Variants in CCDC152 observed in about 807,000 individuals in gnomAD.
CCDC152 encodes coiled-coil domain containing 152, also known as coiled-coil domain-containing protein 152.
In CCDC152, 37 loss-of-function variants were observed where a neutral mutation model predicts 38.1. That is an observed-to-expected ratio of 0.97 (90% CI 0.75 to 1.28). The LOEUF (loss-of-function observed/expected upper bound fraction) is 1.28. Among genes scored for constraint, CCDC152 ranks in the 50% most tolerant of loss-of-function variants. CCDC152 has a pLI of 0.00. For missense variants in CCDC152, 259 were observed against 292.1 expected (o/e 0.89, Z 0.83); for synonymous variants, 83 against 87.1 (o/e 0.95, Z 0.26).
At chr5:42,776,331 T>A (rs899138667) in intron 4 of CCDC152, among the ~76,000 whole-genome samples, 2 of 152,004 alleles carry the variant, frequency 1.3e-5, no homozygotes, top group Non-Finnish European at 2.9e-5. Context: ...GCATGAAAAA[T>A]TATCCAGGAT....
At chr5:42,757,435 A>T (rs1759495863) in intron 1 of CCDC152, among the ~76,000 whole-genome samples, 1 of 152,158 alleles carries the variant, frequency 6.6e-6, no homozygotes, top group African/African-American at 2.4e-5. Context: ...TCCTGTGGGG[A>T]TGGTTGAAGC....
intron 6 of CCDC152, among the ~76,000 whole-genome samples, chr5:42,790,016 GT>G: frequency 6.6e-6 from 1 of 152,272 alleles, no homozygotes; most frequent in South Asian, 2.1e-4. Flanking sequence ...CTTTAATACT[GT>G]TAAGAAAATG....
chr5:42,772,492 A>G (rs1759712537), intron 4 of CCDC152, among the ~76,000 whole-genome samples: 1 of 152,132 alleles, frequency 6.6e-6, no homozygotes, highest in Non-Finnish European at 1.5e-5. Flanking sequence ...ACTAAAAAAA[A>G]ATACAAAAAT....
At chr5:42,783,433 A>T in intron 5 of CCDC152, 41 bp from the exon 6 acceptor site, 1 of 812,992 alleles carries the variant, frequency 1.2e-6, no homozygotes, top group Non-Finnish European at 1.6e-6. Context: ...TTATATACAC[A>T]TATTTAAATT....
At chr5:42,770,337 A>T (rs758609974) in intron 4 of CCDC152, among the ~76,000 whole-genome samples, 1 of 152,194 alleles carries the variant, frequency 6.6e-6, no homozygotes, top group Non-Finnish European at 1.5e-5. Context: ...TATATGTGAG[A>T]TAAAATATTG....
chr5:42,763,523 G>A (rs144314541), intron 3 of CCDC152, among the ~76,000 whole-genome samples: 238 of 152,234 alleles, frequency 1.6e-3, no homozygotes, highest in African/African-American at 5.3e-3. Flanking sequence ...ACTACAAAGT[G>A]GAGAAGCCTG....
chr5:42,765,318 T>A (rs1397800912), intron 3 of CCDC152, among the ~76,000 whole-genome samples: 1 of 152,160 alleles, frequency 6.6e-6, no homozygotes, highest in African/African-American at 2.4e-5. Flanking sequence ...AGAATCAATA[T>A]TGTTACAATC....
chr5:42,792,782 T>A (rs1760021523), intron 6 of CCDC152, among the ~76,000 whole-genome samples: 1 of 152,152 alleles, frequency 6.6e-6, no homozygotes, highest in African/African-American at 2.4e-5. Context: ...CCATACCCTG[T>A]CATTGACTAG....
intron 4 of CCDC152, among the ~76,000 whole-genome samples, chr5:42,773,727 A>C (rs1167661951): frequency 1.3e-5 from 2 of 152,188 alleles, no homozygotes; most frequent in Non-Finnish European, 2.9e-5. Context: ...CTACCCCCAT[A>C]CAAGCTCTTT....
chr5:42,796,032 T>C (rs1036857011), intron 6 of CCDC152, among the ~76,000 whole-genome samples: 1 of 151,150 alleles, frequency 6.6e-6, no homozygotes, highest in African/African-American at 2.4e-5. Context: ...TAGGTGGGAA[T>C]TGAACAATGA....
chr5:42,787,503 C>A (rs1203328786), intron 6 of CCDC152, among the ~76,000 whole-genome samples: 1 of 151,990 alleles, frequency 6.6e-6, no homozygotes, highest in African/African-American at 2.4e-5. Flanking sequence ...GACAACCCCA[C>A]TACTATTGTA....
chr5:42,766,569 T>G (rs967408763), intron 3 of CCDC152, among the ~76,000 whole-genome samples: 4 of 152,188 alleles, frequency 2.6e-5, no homozygotes, highest in African/African-American at 9.7e-5. Flanking sequence ...CAATGTAGTA[T>G]TATTCAACCA....
chr5:42,776,183 A>G (rs957173792), intron 4 of CCDC152, among the ~76,000 whole-genome samples: 5 of 152,244 alleles, frequency 3.3e-5, no homozygotes, highest in East Asian at 1.9e-4. Flanking sequence ...TTACCCAACT[A>G]TATCTTTCTA....
intron 6 of CCDC152, among the ~76,000 whole-genome samples, chr5:42,795,775 A>G (rs1291718558): frequency 6.6e-6 from 1 of 152,132 alleles, no homozygotes; most frequent in African/African-American, 2.4e-5. Context: ...ATGCTGCTAT[A>G]AAGACACATG....
chr5:42,763,033 G>T (rs1351347763), intron 3 of CCDC152, among the ~76,000 whole-genome samples: 5 of 152,188 alleles, frequency 3.3e-5, no homozygotes, highest in Non-Finnish European at 7.3e-5. Context: ...CCAGATCTTG[G>T]TTCCTTACAC....
chr5:42,780,561 C>T (rs1367970163), intron 5 of CCDC152, among the ~76,000 whole-genome samples: 1 of 152,078 alleles, frequency 6.6e-6, no homozygotes, highest in Non-Finnish European at 1.5e-5. Flanking sequence ...AAACTTCAAG[C>T]ACTAGGATAC....
chr5:42,769,451 C>A, intron 3 of CCDC152, 146 bp from the exon 4 acceptor site: 1 of 931,152 alleles, frequency 1.1e-6, no homozygotes, highest in Non-Finnish European at 1.4e-6. Context: ...GATCCTCCTG[C>A]CTCAGCCTCT....
chr5:42,778,341 T>C (rs1220424869), intron 4 of CCDC152, among the ~76,000 whole-genome samples: 1 of 152,098 alleles, frequency 6.6e-6, no homozygotes, highest in Non-Finnish European at 1.5e-5. Flanking sequence ...CCCCAAGAGA[T>C]GACCCAGAGG....
At chr5:42,798,501 A>G (rs1331935034) in intron 7 of CCDC152, among the ~76,000 whole-genome samples, 1 of 152,210 alleles carries the variant, frequency 6.6e-6, no homozygotes, top group East Asian at 1.9e-4. Flanking sequence ...CACAAACCAC[A>G]GGAAAGGCTG....
Sources: allele counts gnomAD v4.1 joint callset (sites outside exome capture counted in the v4.1 genomes callset), GRCh38; gene constraint gnomAD v4.1.1; transcripts MANE v1.5; gene names NCBI Gene and HGNC (gene_info 2026-07-23, HGNC 2026-07-21).